The following ACADSB variants were observed in gnomAD, a reference collection of about 807,000 sequenced individuals.
ACADSB encodes the protein short/branched chain specific acyl-CoA dehydrogenase, mitochondrial.
ACADSB carries 40 observed loss-of-function variants against 54.1 expected under a neutral mutation model. The observed-to-expected ratio is 0.74, with a 90% CI of 0.57 to 0.96. ACADSB has a LOEUF of 0.96. Among genes scored for constraint, ACADSB ranks in the 40% least tolerant of loss-of-function variants. ACADSB has a pLI of 0.00. For missense variants in ACADSB, 530 were observed against 510.4 expected, an observed-to-expected ratio of 1.04 and a Z score of -0.37; for synonymous variants, 182 against 182.8, an observed-to-expected ratio of 1.00 and a Z score of 0.03.
At position 123,042,622 on chromosome 10, in the gene ACADSB, A is replaced by G. The variant is rs1166699865; in HGVS notation, c.682-424A>G. ...GCCACCACACCCAGCTAATTTTTGT[A>G]TTTTTAGTAGAGACGTTTTTTCACC... On this transcript the variant is annotated intron_variant, in intron 5 of 10. Transcript: ENST00000358776. 2.6e-5 allele frequency among the ~76,000 whole-genome samples: 4 copies of G among 151,522 alleles called. No homozygotes were observed. In the East Asian group the frequency reaches 7.8e-4, roughly 30 times the overall value.
intron 7 of ACADSB, among the ~76,000 whole-genome samples, chr10:123,045,172 T>TATATA (rs1491569179): frequency 5.6e-4 from 7 of 12,478 alleles, no homozygotes; most frequent in African/African-American, 2.2e-3. Context: ...TATATATATA[T>TATATA]TTTTTTTTTT....
At position 123,051,004 on chromosome 10, in the gene ACADSB, C is replaced by CT. The variant is rs745376960; in HGVS notation, c.991-39dup. 4.4e-6 allele frequency: 7 copies of CT among 1,602,030 alleles called. No homozygotes were observed. In the South Asian group the frequency reaches 7.8e-5, roughly 18 times the overall value. ...CAGGACTTTGAGGTTGAGGTGCTTG[C>CT]TTTTTTGAAATCATAATTCTCTAAC... is the stretch of plus-strand genomic sequence containing the variant. On this transcript the variant is annotated intron_variant, in intron 8 of 10. Transcript: ENST00000358776.
rs1850674874 is a variant in ACADSB at position 123,054,212 on chromosome 10, A to C, written c.*447A>C. On this transcript the variant is annotated 3_prime_UTR_variant, in exon 11 of 11. Transcript: ENST00000358776. ...TGGTTCATTTTTGTGTTTTTAGTAG[A>C]GATGGGGTTTTACCATATTGCCCAG... 5.6e-6 allele frequency: 1 copy of C among 178,006 alleles called. No homozygotes were observed. Among genetic ancestry groups the C allele is most frequent in the South Asian group, 1.2e-4 (1 of 8,320 alleles). The allele number at this position is 178,006 out of a possible 1,614,324, so 11.0% of individuals were successfully genotyped here.
chr10:123,030,866 CAA>C (rs956682888), intron 1 of ACADSB, among the ~76,000 whole-genome samples: 3 of 152,058 alleles, frequency 2.0e-5, no homozygotes, highest in African/African-American at 4.8e-5. Context: ...GATTAAACAA[CAA>C]TGTAGTAAAG....
rs558724604 is a variant in ACADSB at position 123,011,620 on chromosome 10, G to A, written c.42+2549G>A. ...CAGTTCACTGTAACCTATGCCACCC[G>A]GATTCGAGCGATTCTCCTGCCTCAG... On this transcript the variant is annotated intron_variant, in intron 1 of 10. Transcript: ENST00000358776. Among the ~76,000 whole-genome samples the A allele has an allele frequency of 1.1e-4, 16 of 150,454 alleles. No homozygotes were observed. The East Asian group carries it at 1.2e-3, about 11-fold the overall frequency.
chr10:123,055,746 G>A lies in ACADSB; in HGVS notation c.*1981G>A, dbSNP rs1267140155. ...GGGAGAAATTGGCCAACACAAAAGGGTAACAGGGCCCATGCAAGTCCAAAA... is the reference window on the plus strand; with the variant it reads ...GGGAGAAATTGGCCAACACAAAAGGATAACAGGGCCCATGCAAGTCCAAAA... On this transcript the variant is annotated 3_prime_UTR_variant, in exon 11 of 11. Coordinates refer to ENST00000358776, the MANE Select transcript of ACADSB (RefSeq NM_001609.4). The A allele has an allele frequency of 2.0e-5, 3 of 152,136 alleles. No individual in the cohort carries two copies. Among genetic ancestry groups the A allele is most frequent in the Non-Finnish European group, 4.4e-5 (3 of 68,052 alleles). The allele number at this position is 152,136 out of a possible 1,614,324, so 9.4% of individuals were successfully genotyped here.
At chr10:123,041,857 G>A (rs1214468105) in intron 5 of ACADSB, among the ~76,000 whole-genome samples, 1 of 152,100 alleles carries the variant, frequency 6.6e-6, no homozygotes, top group African/African-American at 2.4e-5. Context: ...GGTATCCATG[G>A]GGGTCCTGGA....
chr10:123,023,386 C>G (rs1286821508), intron 1 of ACADSB, among the ~76,000 whole-genome samples: 1 of 152,084 alleles, frequency 6.6e-6, no homozygotes, highest in African/African-American at 2.4e-5. Context: ...GACTTATGTA[C>G]TTAATTTATG....
At chr10:123,024,999 G>A (rs1351098173) in intron 1 of ACADSB, among the ~76,000 whole-genome samples, 3 of 152,214 alleles carry the variant, frequency 2.0e-5, no homozygotes, top group Admixed American at 1.3e-4. Context: ...TGGAGGCTGA[G>A]GTGGGAGGAT....
In ACADSB at chr10:123,052,218, T is replaced by C. The variant is rs1443578232; in HGVS notation, c.1129-843T>C. Among the ~76,000 whole-genome samples the C allele has an allele frequency of 1.3e-5, 2 of 152,364 alleles. No homozygotes were observed. The highest frequency in any genetic ancestry group is 1.9e-4 in the East Asian group (1 of 5,190). ...CCTAAAACAACGCAGTTTCATTTTCTGTCACTTCTAGAGGTCAGAAATCTG... is the reference window on the plus strand; with the variant it reads ...CCTAAAACAACGCAGTTTCATTTTCCGTCACTTCTAGAGGTCAGAAATCTG... On this transcript the variant is annotated intron_variant, in intron 9 of 10. Transcript: ENST00000358776. This position sits in a 1 kb window ranked among gnomAD's most constrained non-coding sequence, Gnocchi z 4.2.
Position 123,044,383 on chromosome 10 carries a change from G to C in ACADSB, c.808-10G>C, listed in dbSNP as rs1178702618. The C allele has an allele frequency of 1.3e-6, 2 of 1,593,328 alleles. No homozygotes were observed. The highest frequency in any genetic ancestry group is 2.7e-5 in the African/African-American group (2 of 74,496). On this transcript the variant is annotated splice_polypyrimidine_tract_variant and intron_variant, in intron 6 of 10. Transcript: ENST00000358776. ...GAAACTGAGAAATAAGTGCACATTT[G>C]TATTTTCAGGTTCCAGAAGCCAATA...
chr10:123,051,163 A>T lies in ACADSB; in HGVS notation c.1105A>T (p.Met369Leu), dbSNP rs1458519504. 2 of 1,566,788 alleles carry T rather than the reference A, an allele frequency of 1.3e-6. No homozygotes were observed. Among genetic ancestry groups the T allele is most frequent in the Admixed American group, 1.7e-5 (1 of 58,142 alleles). ...AGKPFIKEASMAKYYASEIAG... is the reference protein window; with the variant it reads ...AGKPFIKEASLAKYYASEIAG... ...AAAGCCATTCATAAAAGAAGCGTCA[A>T]TGGCCAAATACTATGCATCAGAGGT... Residue 369 changes from methionine to leucine, a missense_variant, in exon 9 of 11, where the codon ATG (methionine) becomes TTG (leucine). Physicochemically the swap from Met to Leu is conservative, Grantham distance 15. Transcript: ENST00000358776.
At chr10:123,047,671 C>T (rs946269780) in intron 8 of ACADSB, among the ~76,000 whole-genome samples, 2 of 152,048 alleles carry the variant, frequency 1.3e-5, no homozygotes, top group African/African-American at 4.8e-5. Context: ...TCTTAAACTG[C>T]CTCATCTGTA....
chr10:123,048,061 T>A (rs916227116), intron 8 of ACADSB, among the ~76,000 whole-genome samples: 2 of 151,602 alleles, frequency 1.3e-5, no homozygotes, highest in Admixed American at 6.6e-5. Flanking sequence ...ACCAAACCTT[T>A]TAGGCAACCT....
At chr10:123,015,619 G>A (rs1472551457) in intron 1 of ACADSB, among the ~76,000 whole-genome samples, 6 of 152,212 alleles carry the variant, frequency 3.9e-5, no homozygotes, top group African/African-American at 1.4e-4. Context: ...CCATGAAGGA[G>A]GGGAAAGGTG....
rs1564750081 is a variant in ACADSB at position 123,034,510 on chromosome 10, G to A, written c.197G>A (p.Ser66Asn). Residue 66 changes from serine to asparagine, a missense_variant, in exon 2 of 11, where the codon AGT becomes AAT. Ser to Asn is a conservative substitution (Grantham distance 46, BLOSUM62 1). Transcript: ENST00000358776. Reference sequence around the variant, plus strand: ...ACAGATGAGGAAATGATGATAAAGAGTTCAGGTAAGTAAATTTATCAGTGT... The same window carrying A: ...ACAGATGAGGAAATGATGATAAAGAATTCAGGTAAGTAAATTTATCAGTGT... The part of the protein sequence containing the change: ...TFTDEEMMIK[S>N]SVKKFAQEQI... The A allele has an allele frequency of 6.2e-7, 1 of 1,607,140 alleles. No homozygotes were observed. Among genetic ancestry groups the A allele is most frequent in the Non-Finnish European group, 8.5e-7 (1 of 1,179,728 alleles).
intron 1 of ACADSB, among the ~76,000 whole-genome samples, chr10:123,027,819 A>G (rs1381502907): frequency 6.6e-6 from 1 of 152,166 alleles, no homozygotes; most frequent in African/African-American, 2.4e-5. Context: ...TATTCCCACA[A>G]CAGTGTCTTC....
chr10:123,044,540 A>G, intron 7 of ACADSB, 55 bp downstream of exon 7: 9 of 1,402,494 alleles, frequency 6.4e-6, no homozygotes, highest in Non-Finnish European at 9.1e-6. Flanking sequence ...GTGAAAAGAA[A>G]AAAATGCAAT....
chr10:123,009,598 C>T (rs529083146), intron 1 of ACADSB, among the ~76,000 whole-genome samples: 35 of 152,210 alleles, frequency 2.3e-4, no homozygotes, highest in Non-Finnish European at 3.2e-4. Context: ...TCGGGCTTCC[C>T]GGCCAGGGAC....
Sources: gnomAD v4.1 joint callset for allele counts (sites outside exome capture counted in the v4.1 genomes callset) on GRCh38, gnomAD v4.1.1 for gene constraint, Gnocchi (gnomAD v3.1) non-coding constraint, MANE v1.5 for transcripts, NCBI Gene and HGNC (gene_info 2026-07-23, HGNC 2026-07-21) for gene names.